MYO18B: variants seen among roughly 807,000 people sequenced by gnomAD.
MYO18B encodes myosin XVIIIB.
MYO18B carries 204 observed loss-of-function variants against 273.0 expected under a neutral mutation model. That is an observed-to-expected ratio of 0.75 (90% CI 0.67 to 0.84). The LOEUF (loss-of-function observed/expected upper bound fraction) is 0.84. Among genes scored for constraint, MYO18B ranks in the 40% least tolerant of loss-of-function variants. MYO18B has a pLI of 0.00. For synonymous variants in MYO18B, 1,330 were observed against 1,305.7 expected (o/e 1.02, Z -0.40); for missense variants, 3,212 against 3,287.6 (o/e 0.98, Z 0.56).
intron 42 of MYO18B, among the ~76,000 whole-genome samples, chr22:26,006,035 A>G (rs1316010751): frequency 6.6e-6 from 1 of 152,226 alleles, no homozygotes; most frequent in Non-Finnish European, 1.5e-5. Context: ...GTGAACTCCA[A>G]ACTATGAGGA....
intron 10 of MYO18B, among the ~76,000 whole-genome samples, chr22:25,782,316 C>T (rs1451504254): frequency 2.0e-5 from 3 of 152,218 alleles, no homozygotes; most frequent in Non-Finnish European, 4.4e-5. Context: ...GGGAGAGGGA[C>T]AGCAGACCCC....
chr22:25,999,077 C>T (rs181996218), intron 40 of MYO18B, among the ~76,000 whole-genome samples: 1 of 152,282 alleles, frequency 6.6e-6, no homozygotes, highest in Admixed American at 6.5e-5. Flanking sequence ...ATGTTATCCT[C>T]AAAACAACTC....
chr22:26,057,639 G>A, the MYO18B span, among the ~76,000 whole-genome samples: 1 of 151,914 alleles, frequency 6.6e-6, no homozygotes. Context: ...TCATTTGGGG[G>A]AATGCCCATC....
At chr22:25,753,238 TG>T (rs893591011) in intron 1 of MYO18B, among the ~76,000 whole-genome samples, 19 of 151,600 alleles carry the variant, frequency 1.3e-4, no homozygotes, top group Admixed American at 7.2e-4. Flanking sequence ...GGGGCGGGTG[TG>T]GGGGGGGCGG....
Position 25,769,173 on chromosome 22 carries a change from A to G in MYO18B, c.1257A>G (p.Pro419=), listed in dbSNP as rs1215013840. 1 of 1,612,294 alleles carries G rather than the reference A, an allele frequency of 6.2e-7. No individual in the cohort carries two copies. The highest frequency in any genetic ancestry group is 8.5e-7 in the Non-Finnish European group (1 of 1,179,276). The change falls in exon 4 of 44, where the codon CCA becomes CCG. Residue 419 remains proline (P), a synonymous_variant. Coordinates refer to ENST00000335473, the MANE Select transcript of MYO18B (RefSeq NM_032608.7). ...AGACAGAGAAGGGCTGTGAAGCCCCAAAGGAGGTGAGCACAATGGTGGAGT... is the reference window on the plus strand; with the variant it reads ...AGACAGAGAAGGGCTGTGAAGCCCCGAAGGAGGTGAGCACAATGGTGGAGT... ...RSQTEKGCEA[P]KEVSTMVESP...
the MYO18B span, among the ~76,000 whole-genome samples, chr22:26,044,804 G>T: frequency 6.6e-6 from 1 of 152,342 alleles, no homozygotes; most frequent in East Asian, 1.9e-4. Context: ...GGTTGGGATA[G>T]CTGTGGAAGG....
At chr22:25,976,195 C>T (rs2093087378) in intron 39 of MYO18B, among the ~76,000 whole-genome samples, 1 of 152,158 alleles carries the variant, frequency 6.6e-6, no homozygotes, top group Non-Finnish European at 1.5e-5. Context: ...TGTAAGCACT[C>T]ACAAAGAATT....
chr22:26,004,459 A>G (rs1438063920), intron 41 of MYO18B, among the ~76,000 whole-genome samples: 1 of 152,224 alleles, frequency 6.6e-6, no homozygotes, highest in Non-Finnish European at 1.5e-5. Flanking sequence ...TGGAATAAAA[A>G]GGAACAGGGT....
At chr22:26,063,592 G>T in the MYO18B span, among the ~76,000 whole-genome samples, 1 of 152,146 alleles carries the variant, frequency 6.6e-6, no homozygotes, top group Non-Finnish European at 1.5e-5. Flanking sequence ...GGGATGGTTA[G>T]CTGGTTTCCA....
rs1266663517 is a variant in MYO18B at position 25,811,703 on chromosome 22, G to A, written c.2522-11802G>A. On this transcript the variant is annotated intron_variant, in intron 12 of 43. Coordinates refer to ENST00000335473, the MANE Select transcript of MYO18B (RefSeq NM_032608.7). ...ATATTCCTGATTCTCTTCGTCAGCT[G>A]CAGGGGACTGTCCAGAATGAATGGA... Among the ~76,000 whole-genome samples, 3 of 152,196 alleles carry A rather than the reference G, an allele frequency of 2.0e-5. No homozygotes were observed. In the East Asian group the frequency reaches 5.8e-4, roughly 29 times the overall value.
rs772514187 is a variant in MYO18B at position 25,835,456 on chromosome 22, G to A, written c.3208+13G>A. 1.2e-6 allele frequency: 2 copies of A among 1,613,480 alleles called. No homozygotes were observed. Among genetic ancestry groups the A allele is most frequent in the South Asian group, 2.2e-5 (2 of 91,072 alleles). On this transcript the variant is annotated intron_variant, in intron 17 of 43. Transcript: ENST00000335473. Reference sequence around the variant, plus strand: ...GCTGGGACTGAAGGTAAGGAAGCAGGGGGCTGGGGATGGGGCCTGAGTCCA... The same window carrying A: ...GCTGGGACTGAAGGTAAGGAAGCAGAGGGCTGGGGATGGGGCCTGAGTCCA...
At chr22:25,756,145 C>T (rs2086113969) in intron 1 of MYO18B, among the ~76,000 whole-genome samples, 1 of 152,214 alleles carries the variant, frequency 6.6e-6, no homozygotes, top group African/African-American at 2.4e-5. Context: ...CCGCCTGCCT[C>T]AGCCTCCCAA....
intron 1 of MYO18B, among the ~76,000 whole-genome samples, chr22:25,759,072 A>G (rs1475648518): frequency 6.6e-6 from 1 of 152,094 alleles, no homozygotes; most frequent in Non-Finnish European, 1.5e-5. Flanking sequence ...GAGAATTTCT[A>G]AAGTTAGATT....
Position 26,026,691 on chromosome 22 carries a change from G to A in MYO18B, c.6717G>A (p.Ser2239=), listed in dbSNP as rs766624714. Residue 2239 remains serine (S), a synonymous_variant, in exon 43 of 44, where the codon TCG becomes TCA. Coordinates refer to ENST00000335473, the MANE Select transcript of MYO18B (RefSeq NM_032608.7). ...ASRSTNTSPL[S]REKLPSPSAA... ...GGAGTACAAATACATCCCCGCTGTCGAGGGAAAAGCTGCCCAGTCCTTCAG... is the reference window on the plus strand; with the variant it reads ...GGAGTACAAATACATCCCCGCTGTCAAGGGAAAAGCTGCCCAGTCCTTCAG... The A allele has an allele frequency of 6.2e-6, 10 of 1,613,718 alleles. No homozygotes were observed. The African/African-American group carries it at 1.1e-4, about 17-fold the overall frequency.
At chr22:26,053,312 A>T in the MYO18B span, among the ~76,000 whole-genome samples, 2 of 152,190 alleles carry the variant, frequency 1.3e-5, no homozygotes, top group African/African-American at 4.8e-5. Flanking sequence ...TCTGTGAAAG[A>T]TACAGCATTA....
intron 24 of MYO18B, among the ~76,000 whole-genome samples, chr22:25,877,532 A>G (rs8141976): frequency 0.43 from 65,919 of 151,926 alleles, 14,801 homozygotes; most frequent in Admixed American, 0.57. Context: ...CAGTGGTGCT[A>G]TCTCGGCTCA....
At position 25,868,405 on chromosome 22, in the gene MYO18B, T is replaced by C. The variant is rs1421408538; in HGVS notation, c.3951+20T>C. 3 of 1,575,372 alleles carry C rather than the reference T, an allele frequency of 1.9e-6. No individual in the cohort carries two copies. The Admixed American group carries it at 5.5e-5, about 29-fold the overall frequency. ...AGCCAAGTGAGTAGAGCTGCTTTCT[T>C]ACAACATTCGCCCATCACATCAGGG... On this transcript the variant is annotated intron_variant, in intron 22 of 43. Transcript: ENST00000335473.
At chr22:25,769,464 A>G in intron 4 of MYO18B, 36 bp downstream of exon 4, 1 of 1,468,276 alleles carries the variant, frequency 6.8e-7, no homozygotes, top group Non-Finnish European at 9.1e-7. Context: ...GGGAAGCGGC[A>G]GACAGGCCTC....
At chr22:26,047,577 A>C in the MYO18B span, among the ~76,000 whole-genome samples, 1 of 152,220 alleles carries the variant, frequency 6.6e-6, no homozygotes, top group East Asian at 1.9e-4. Flanking sequence ...CCAATAAGAT[A>C]GCCACTAGCC....
Sources: allele counts gnomAD v4.1 joint callset (sites outside exome capture counted in the v4.1 genomes callset), GRCh38; gene constraint gnomAD v4.1.1; transcripts MANE v1.5; gene names NCBI Gene and HGNC (gene_info 2026-07-23, HGNC 2026-07-21).